NPEPPS: variants seen among roughly 807,000 people sequenced by gnomAD.
The protein encoded by NPEPPS is aminopeptidase puromycin sensitive, also known as puromycin-sensitive aminopeptidase.
In NPEPPS, 14 loss-of-function variants were observed where a neutral mutation model predicts 115.5. That is an observed-to-expected ratio of 0.12 (90% CI 0.08 to 0.19). NPEPPS has a LOEUF of 0.19. NPEPPS is among the 10% of genes least tolerant of loss of function. NPEPPS has a pLI of 1.00. For missense variants in NPEPPS, 523 were observed against 1,110.8 expected (o/e 0.47, Z 7.52); for synonymous variants, 285 against 390.6 (o/e 0.73, Z 3.19).
chr17:47,610,845 C>CTT (rs59893483), intron 17 of NPEPPS, among the ~76,000 whole-genome samples: 2,392 of 99,864 alleles, frequency 0.024, 523 homozygotes, highest in Admixed American at 0.03. Flanking sequence ...TATGATGACT[C>CTT]TTTTTTTTTT....
At chr17:47,597,011 G>T (rs1257604152) in intron 13 of NPEPPS, among the ~76,000 whole-genome samples, 1 of 149,922 alleles carries the variant, frequency 6.7e-6, no homozygotes, top group African/African-American at 2.5e-5. Context: ...TTGTGCCACT[G>T]CACTCCAGCT....
chr17:47,555,643 G>C (rs558738099), intron 2 of NPEPPS, among the ~76,000 whole-genome samples: 344 of 151,856 alleles, frequency 2.3e-3, no homozygotes, highest in African/African-American at 7.8e-3. Flanking sequence ...CACCGCGCCC[G>C]GCCATGTATG....
intron 2 of NPEPPS, among the ~76,000 whole-genome samples, chr17:47,560,724 G>A (rs552892916): frequency 6.6e-6 from 1 of 152,308 alleles, no homozygotes. Flanking sequence ...GGTGGTCACT[G>A]TAGGCCTTCT....
At chr17:47,586,511 T>C in intron 8 of NPEPPS, 113 bp downstream of exon 8, 1 of 785,794 alleles carries the variant, frequency 1.3e-6, no homozygotes, top group Non-Finnish European at 2.1e-6. Context: ...TGTAAATTTT[T>C]CTACCTTCCC....
At position 47,621,781 on chromosome 17, in the gene NPEPPS, G is replaced by C; in HGVS notation, c.2621G>C (p.Ser874Thr). The change falls in exon 23 of 23, where the codon AGT becomes ACT. Residue 874 changes from serine to threonine, a missense_variant. Coordinates refer to ENST00000322157, the MANE Select transcript of NPEPPS (RefSeq NM_006310.4). ...GTTTTATACCAGGCTTTCTTCGAGA[G>C]TCACCCAGCTCCTTCAGCTGAGCGT... ...MAGEVKAFFESHPAPSAERTI... is the reference protein window; with the variant it reads ...MAGEVKAFFETHPAPSAERTI... 2 of 1,609,308 alleles carry C rather than the reference G, an allele frequency of 1.2e-6. No individual in the cohort carries two copies. The highest frequency in any genetic ancestry group is 8.5e-7 in the Non-Finnish European group (1 of 1,176,226).
intron 12 of NPEPPS, chr17:47,596,085 C>T (rs1046996779): frequency 1.8e-5 from 4 of 221,464 alleles, no homozygotes; most frequent in African/African-American, 7.1e-5. Flanking sequence ...TCTGGGAGGT[C>T]GAGGCTGCAG....
chr17:47,527,488 A>C (rs922132157), upstream of NPEPPS, among the ~76,000 whole-genome samples: 1 of 152,094 alleles, frequency 6.6e-6, no homozygotes, highest in Non-Finnish European at 1.5e-5. Flanking sequence ...CCATCTCAAA[A>C]AAAACCCAAA....
chr17:47,615,673 G>A (rs576482034), intron 19 of NPEPPS, among the ~76,000 whole-genome samples: 91 of 152,158 alleles, frequency 6.0e-4, no homozygotes, highest in Non-Finnish European at 1.2e-3. Flanking sequence ...TATGAAATGG[G>A]ATATTTGATT....
chr17:47,608,927 A>C (rs1366294784), intron 17 of NPEPPS, among the ~76,000 whole-genome samples: 1 of 152,212 alleles, frequency 6.6e-6, no homozygotes, highest in Non-Finnish European at 1.5e-5. Context: ...GTGGGGAACA[A>C]TAATGAATTC....
chr17:47,555,939 A>G (rs1909980906), intron 2 of NPEPPS, among the ~76,000 whole-genome samples: 1 of 143,758 alleles, frequency 7.0e-6, no homozygotes, highest in Admixed American at 6.9e-5. Flanking sequence ...GAAGTTAGGT[A>G]GTAGTCAGGG....
At chr17:47,533,188 C>G (rs902742178) in intron 1 of NPEPPS, among the ~76,000 whole-genome samples, 1 of 152,146 alleles carries the variant, frequency 6.6e-6, no homozygotes, top group Admixed American at 6.6e-5. Context: ...ATAGCTGTCA[C>G]ATTTGGAGCA....
intron 3 of NPEPPS, among the ~76,000 whole-genome samples, chr17:47,578,967 T>C (rs1309653524): frequency 1.3e-5 from 2 of 152,218 alleles, no homozygotes; most frequent in Non-Finnish European, 2.9e-5. Flanking sequence ...ACTGGACAAG[T>C]TATTTAGCTT....
At chr17:47,548,185 A>G (rs1909374500) in intron 2 of NPEPPS, 2 of 152,206 alleles carry the variant, frequency 1.3e-5, no homozygotes, top group South Asian at 2.1e-4. Context: ...TATTTTGTCT[A>G]TAGAAAGTCA....
intron 2 of NPEPPS, among the ~76,000 whole-genome samples, chr17:47,548,501 C>CCTTCCAGCTG (rs1909395785): frequency 6.6e-6 from 1 of 151,678 alleles, no homozygotes; most frequent in Non-Finnish European, 1.5e-5. Flanking sequence ...TAAATGTGTA[C>CCTTCCAGCTG]CTTCCAGCTG....
chr17:47,536,496 C>T (rs763247373), intron 1 of NPEPPS, among the ~76,000 whole-genome samples: 28 of 143,164 alleles, frequency 2.0e-4, no homozygotes, highest in Non-Finnish European at 3.0e-4. Context: ...CAGGTTCAAG[C>T]AATTCTCCTG....
At chr17:47,537,688 G>A (rs1228281143) in intron 1 of NPEPPS, among the ~76,000 whole-genome samples, 5 of 150,672 alleles carry the variant, frequency 3.3e-5, no homozygotes, top group African/African-American at 1.2e-4. Context: ...GTGACACAGC[G>A]AGACCCTGTC....
chr17:47,563,460 A>G (rs1910580408), intron 2 of NPEPPS, among the ~76,000 whole-genome samples: 1 of 152,250 alleles, frequency 6.6e-6, no homozygotes, highest in Non-Finnish European at 1.5e-5. Context: ...TGCTTATTAT[A>G]TTTAAAAGGC....
intron 5 of NPEPPS, among the ~76,000 whole-genome samples, chr17:47,584,671 G>A (rs1249315712): frequency 2.0e-5 from 3 of 152,116 alleles, no homozygotes; most frequent in African/African-American, 7.2e-5. Flanking sequence ...AGGAAACAGA[G>A]CCTGAATAGG....
At chr17:47,536,150 G>A (rs1246288230) in intron 1 of NPEPPS, among the ~76,000 whole-genome samples, 2 of 151,542 alleles carry the variant, frequency 1.3e-5, no homozygotes, top group South Asian at 4.2e-4. Context: ...TTCTCTTATG[G>A]AAATATTTTA....
Sources: allele counts gnomAD v4.1 joint callset (sites outside exome capture counted in the v4.1 genomes callset), GRCh38; gene constraint gnomAD v4.1.1; transcripts MANE v1.5; gene names NCBI Gene and HGNC (gene_info 2026-07-23, HGNC 2026-07-21).